Variants in FOXO3 observed in about 807,000 individuals in gnomAD.
FOXO3 encodes forkhead box protein O3.
A neutral mutation model predicts 41.9 loss-of-function variants in FOXO3; 4 were observed. That is an observed-to-expected ratio of 0.10 (90% CI 0.05 to 0.22). FOXO3 has a LOEUF of 0.22. Ranked by LOEUF, FOXO3 falls within the 10% of genes least tolerant of loss-of-function variation. FOXO3 has a pLI of 1.00. For missense variants in FOXO3, 534 were observed against 906.8 expected (o/e 0.59, Z 5.28); for synonymous variants, 318 against 389.3 (o/e 0.82, Z 2.16).
chr6:108,593,712 CTTTTT>C (rs34228633), intron 1 of FOXO3, among the ~76,000 whole-genome samples: 21 of 83,342 alleles, frequency 2.5e-4, no homozygotes, highest in Non-Finnish European at 2.0e-4. Flanking sequence ...TTTTCTTCTT[CTTTTT>C]TTTTTTTTTT....
intron 2 of FOXO3, among the ~76,000 whole-genome samples, chr6:108,675,433 C>A (rs1770547474): frequency 3.9e-5 from 6 of 152,188 alleles, no homozygotes; most frequent in Admixed American, 3.3e-4. Context: ...CTGCCTTGAC[C>A]AAGCCCAGGA....
At chr6:108,590,907 C>G (rs1036206312) in intron 1 of FOXO3, among the ~76,000 whole-genome samples, 1 of 152,200 alleles carries the variant, frequency 6.6e-6, no homozygotes, top group Non-Finnish European at 1.5e-5. Context: ...CTCATCCTAG[C>G]TCAGCTGCCT....
intron 1 of FOXO3, among the ~76,000 whole-genome samples, chr6:108,650,750 G>A (rs1426798150): frequency 6.6e-6 from 1 of 152,156 alleles, no homozygotes; most frequent in African/African-American, 2.4e-5. Context: ...TATCTGAGTG[G>A]CTCAGTGAAT....
At chr6:108,635,363 A>G (rs758168323) in intron 1 of FOXO3, among the ~76,000 whole-genome samples, 1 of 152,140 alleles carries the variant, frequency 6.6e-6, no homozygotes, top group Non-Finnish European at 1.5e-5. Flanking sequence ...TGAGAAAGGT[A>G]GAAAAGAGAT....
chr6:108,608,432 C>T (rs919621815), intron 1 of FOXO3, among the ~76,000 whole-genome samples: 1 of 152,192 alleles, frequency 6.6e-6, no homozygotes, highest in African/African-American at 2.4e-5. Context: ...GGAACATGAA[C>T]TGGATTGGAG....
At chr6:108,614,285 C>T (rs1356057979) in intron 1 of FOXO3, among the ~76,000 whole-genome samples, 1 of 152,064 alleles carries the variant, frequency 6.6e-6, no homozygotes, top group Non-Finnish European at 1.5e-5. Flanking sequence ...TTGAAATATC[C>T]AGCTGTAATT....
At chr6:108,590,742 A>G (rs1000202040) in intron 1 of FOXO3, among the ~76,000 whole-genome samples, 3 of 152,260 alleles carry the variant, frequency 2.0e-5, no homozygotes, top group African/African-American at 7.2e-5. Flanking sequence ...AGAATTAGGA[A>G]TGAAGAATTG....
chr6:108,591,961 C>T lies in FOXO3; in HGVS notation c.621+30132C>T, dbSNP rs534217565. Among the ~76,000 whole-genome samples, 13 of 151,820 alleles carry T rather than the reference C, an allele frequency of 8.6e-5. 1 individual carries two copies. The South Asian group carries it at 1.0e-3, about 12-fold the overall frequency. On this transcript the variant is annotated intron_variant, in intron 1 of 2. Transcript: ENST00000406360. Reference sequence around the variant, plus strand: ...TACTGCTCTACAATAAGAAGGAACACGCCACAGATACATAGCATGGATGAA... The same window carrying T: ...TACTGCTCTACAATAAGAAGGAACATGCCACAGATACATAGCATGGATGAA...
Position 108,568,029 on chromosome 6 carries a change from CAA to C in FOXO3, c.621+6201_621+6202del, listed in dbSNP as rs547124740. Among the ~76,000 whole-genome samples the C allele has an allele frequency of 6.0e-4, 90 of 150,196 alleles. No homozygotes were observed. In the South Asian group the frequency reaches 0.012, roughly 21 times the overall value. On this transcript the variant is annotated intron_variant, in intron 1 of 2. Coordinates refer to ENST00000406360, the MANE Select transcript of FOXO3 (RefSeq NM_001455.4). ...TGCCGTTGCACTCCAGCCTGGGTAA[CAA>C]GAGCGAAACTCCATCTCAAAAAAAA...
chr6:108,674,518 G>T (rs1770500964), intron 2 of FOXO3, among the ~76,000 whole-genome samples: 1 of 152,168 alleles, frequency 6.6e-6, no homozygotes, highest in Non-Finnish European at 1.5e-5. Context: ...CATGTTAGGA[G>T]CTCAAAGTCC....
chr6:108,606,937 CTT>C, intron 1 of FOXO3, among the ~76,000 whole-genome samples: 1 of 152,222 alleles, frequency 6.6e-6, no homozygotes, highest in African/African-American at 2.4e-5. Context: ...CCAGATGTCT[CTT>C]GTTTTTATTT....
chr6:108,566,644 A>G (rs887975712), intron 1 of FOXO3, among the ~76,000 whole-genome samples: 7 of 152,170 alleles, frequency 4.6e-5, no homozygotes, highest in Admixed American at 2.0e-4. Context: ...CAGGTGCATC[A>G]GATTCCAGAT....
chr6:108,633,868 G>A (rs949971702), intron 1 of FOXO3, among the ~76,000 whole-genome samples: 5 of 151,732 alleles, frequency 3.3e-5, no homozygotes, highest in Admixed American at 3.3e-4. Context: ...TTAAAAAGCT[G>A]AGAACCAATT....
chr6:108,651,610 A>G (rs1778550514), intron 1 of FOXO3, among the ~76,000 whole-genome samples: 2 of 152,248 alleles, frequency 1.3e-5, no homozygotes, highest in Admixed American at 6.5e-5. Flanking sequence ...TTTCATGTGA[A>G]GGAAGGGATT....
chr6:108,561,773 C>T lies in FOXO3; in HGVS notation c.565C>T (p.Arg189Cys), dbSNP rs369304108. ...TLSQIYEWMV[R>C]CVPYFKDKGD... Reference sequence around the variant, plus strand: ...GTCCCAGATCTACGAGTGGATGGTGCGTTGCGTGCCCTACTTCAAGGATAA... The same window carrying T: ...GTCCCAGATCTACGAGTGGATGGTGTGTTGCGTGCCCTACTTCAAGGATAA... Residue 189 changes from arginine to cysteine, a missense_variant, in exon 1 of 3, where the codon CGT becomes TGT. Arg to Cys is a radical substitution (Grantham distance 180, BLOSUM62 -3). Coordinates refer to ENST00000406360, the MANE Select transcript of FOXO3 (RefSeq NM_001455.4). 4 of 1,601,282 alleles carry T rather than the reference C, an allele frequency of 2.5e-6. No individual in the cohort carries two copies. The highest frequency in any genetic ancestry group is 1.4e-5 in the African/African-American group (1 of 73,392).
chr6:108,639,859 T>C (rs1239616781), intron 1 of FOXO3, among the ~76,000 whole-genome samples: 1 of 152,200 alleles, frequency 6.6e-6, no homozygotes, highest in Non-Finnish European at 1.5e-5. Flanking sequence ...TTGAACACAA[T>C]ACTCTGTGAA....
At chr6:108,623,822 T>C (rs1336082951) in intron 1 of FOXO3, among the ~76,000 whole-genome samples, 4 of 152,204 alleles carry the variant, frequency 2.6e-5, no homozygotes, top group Admixed American at 6.5e-5. Flanking sequence ...GCTCTTAATA[T>C]TTCCTTCTTA....
At chr6:108,645,554 T>G (rs1209384523) in intron 1 of FOXO3, among the ~76,000 whole-genome samples, 1 of 151,866 alleles carries the variant, frequency 6.6e-6, no homozygotes, top group Non-Finnish European at 1.5e-5. Flanking sequence ...ATGTATTAAG[T>G]CCCTATCCTT....
intron 1 of FOXO3, chr6:108,618,287 A>T (rs1318532165): frequency 1.4e-6 from 1 of 722,788 alleles, no homozygotes; most frequent in Non-Finnish European, 2.6e-6. Flanking sequence ...GTCAGCCATG[A>T]TGAGCACCGG....
Sources: allele counts gnomAD v4.1 joint callset (sites outside exome capture counted in the v4.1 genomes callset), GRCh38; gene constraint gnomAD v4.1.1; transcripts MANE v1.5; gene names NCBI Gene and HGNC (gene_info 2026-07-23, HGNC 2026-07-21).